Variants in FGGY observed in about 807,000 individuals in gnomAD.
The protein encoded by FGGY is FGGY carbohydrate kinase domain containing.
Under a neutral mutation model 71.3 loss-of-function variants are expected in FGGY, and 72 were observed. The observed-to-expected ratio is 1.01, with a 90% CI of 0.84 to 1.23. FGGY has a LOEUF of 1.23. Among genes scored for constraint, FGGY ranks in the 50% most tolerant of loss-of-function variants. The pLI is 0.00. For synonymous variants in FGGY, 251 were observed against 250.3 expected, an observed-to-expected ratio of 1.00 and a Z score of -0.02; for missense variants, 668 against 682.3, an observed-to-expected ratio of 0.98 and a Z score of 0.23.
At chr1:59,391,756 C>T (rs1283234353) in intron 5 of FGGY, among the ~76,000 whole-genome samples, 1 of 152,188 alleles carries the variant, frequency 6.6e-6, no homozygotes, top group Non-Finnish European at 1.5e-5. Context: ...GCATGACTGT[C>T]ATTTTCCAAC....
chr1:59,614,569 T>C (rs2096729038), intron 9 of FGGY, among the ~76,000 whole-genome samples: 2 of 152,274 alleles, frequency 1.3e-5, no homozygotes, highest in African/African-American at 4.8e-5. Flanking sequence ...ACTGGAAGCA[T>C]TCCCTTTGAA....
chr1:59,592,169 A>G (rs1473015395), intron 8 of FGGY, among the ~76,000 whole-genome samples: 5 of 152,360 alleles, frequency 3.3e-5, no homozygotes, highest in African/African-American at 9.6e-5. Flanking sequence ...ATGCAGCAAA[A>G]AAACACATGA....
chr1:59,402,486 G>A (rs541497686), intron 5 of FGGY, among the ~76,000 whole-genome samples: 8 of 152,250 alleles, frequency 5.3e-5, no homozygotes, highest in African/African-American at 1.9e-4. Flanking sequence ...ACATCATCTT[G>A]CCTGTTGCAT....
chr1:59,375,176 C>T (rs1177233841), intron 4 of FGGY, among the ~76,000 whole-genome samples: 1 of 148,306 alleles, frequency 6.7e-6, no homozygotes, highest in African/African-American at 2.5e-5. Context: ...AGGAGAATCT[C>T]TTGAACCCGG....
At chr1:59,637,488 C>G (rs570817427) in intron 10 of FGGY, among the ~76,000 whole-genome samples, 1 of 152,016 alleles carries the variant, frequency 6.6e-6, no homozygotes, top group East Asian at 1.9e-4. Flanking sequence ...CAAAAATTAG[C>G]TGGGTGGGGA....
chr1:59,397,726 C>G (rs1194057695), intron 5 of FGGY, among the ~76,000 whole-genome samples: 1 of 152,154 alleles, frequency 6.6e-6, no homozygotes, highest in Non-Finnish European at 1.5e-5. Flanking sequence ...AAGGGCGGGG[C>G]AGTATACCCT....
At chr1:59,473,826 A>G (rs1175805493) in intron 6 of FGGY, among the ~76,000 whole-genome samples, 1 of 152,204 alleles carries the variant, frequency 6.6e-6, no homozygotes, top group Non-Finnish European at 1.5e-5. Flanking sequence ...GAGCCATTTT[A>G]GAATATTTGT....
intron 1 of FGGY, among the ~76,000 whole-genome samples, chr1:59,304,154 C>T (rs1052923583): frequency 3.9e-5 from 6 of 152,056 alleles, no homozygotes; most frequent in Non-Finnish European, 5.9e-5. Context: ...AAATCATAGC[C>T]AAGACCAATG....
intron 8 of FGGY, among the ~76,000 whole-genome samples, chr1:59,592,017 T>A (rs909334936): frequency 5.3e-5 from 8 of 152,134 alleles, no homozygotes; most frequent in African/African-American, 1.4e-4. Context: ...ACAAAATGGG[T>A]GAAAATTTTC....
chr1:59,323,680 C>T (rs1049018831), intron 2 of FGGY, among the ~76,000 whole-genome samples: 3 of 152,156 alleles, frequency 2.0e-5, no homozygotes, highest in African/African-American at 4.8e-5. Context: ...GGACAAGTTA[C>T]CTAATGTTTC....
intron 5 of FGGY, among the ~76,000 whole-genome samples, chr1:59,452,740 A>G (rs2091308780): frequency 1.3e-5 from 2 of 152,248 alleles, no homozygotes; most frequent in Admixed American, 1.3e-4. Flanking sequence ...CAACCGGCCA[A>G]CAGCAAGTGG....
Position 59,673,973 on chromosome 1 carries a change from G to C in FGGY, c.1418-66G>C, listed in dbSNP as rs1396359374. On this transcript the variant is annotated intron_variant, in intron 13 of 15. Coordinates refer to ENST00000303721, the MANE Select transcript of FGGY (RefSeq NM_018291.5). ...GTCAGGTGTTTTTGCCACTGCGGCT[G>C]CTTGTTGGCTCCTCACACTCCCCTG... 2.1e-6 allele frequency: 3 copies of C among 1,447,642 alleles called. No homozygotes were observed. In the Admixed American group the frequency reaches 5.6e-5, roughly 27 times the overall value. 89.7% of individuals were successfully genotyped at this position (1,447,642 alleles called of 1,614,324 possible).
At chr1:59,489,431 A>T (rs574995460) in intron 6 of FGGY, among the ~76,000 whole-genome samples, 2 of 152,038 alleles carry the variant, frequency 1.3e-5, no homozygotes, top group Non-Finnish European at 2.9e-5. Context: ...TGAGATCAAC[A>T]TTTTTTAGCT....
At chr1:59,466,044 C>G (rs2092604245) in intron 6 of FGGY, among the ~76,000 whole-genome samples, 2 of 152,130 alleles carry the variant, frequency 1.3e-5, no homozygotes. Context: ...GCTCACATTG[C>G]CAAGACAATC....
chr1:59,468,146 G>T (rs56010261), intron 6 of FGGY, among the ~76,000 whole-genome samples: 1 of 151,924 alleles, frequency 6.6e-6, no homozygotes, highest in Admixed American at 6.6e-5. Context: ...CAAGTGATCC[G>T]CCCCCCTCAG....
At chr1:59,386,494 G>A (rs548709683) in intron 5 of FGGY, among the ~76,000 whole-genome samples, 2 of 152,152 alleles carry the variant, frequency 1.3e-5, no homozygotes, top group Non-Finnish European at 2.9e-5. Context: ...TTGATCACCT[G>A]GCTGAGATAT....
intron 12 of FGGY, among the ~76,000 whole-genome samples, chr1:59,666,768 T>G (rs2097329896): frequency 6.6e-6 from 1 of 151,426 alleles, no homozygotes. Flanking sequence ...AAGCCTTGGA[T>G]CTCACCTTCT....
At chr1:59,561,274 C>T (rs2095789591) in intron 8 of FGGY, among the ~76,000 whole-genome samples, 1 of 152,176 alleles carries the variant, frequency 6.6e-6, no homozygotes, top group Admixed American at 6.5e-5. Context: ...GCCTCGCTTC[C>T]TCTTTGTTTA....
rs144878129 is a variant in FGGY at position 59,303,000 on chromosome 1, T to C, written c.-15+5850T>C. 1.6e-3 allele frequency among the ~76,000 whole-genome samples: 244 copies of C among 152,296 alleles called. 1 individual carries two copies. The highest frequency in any genetic ancestry group is 5.7e-3 in the African/African-American group (236 of 41,574). On this transcript the variant is annotated intron_variant, in intron 1 of 15. Transcript: ENST00000303721. ...CTATTTCCTTTTTCCCCCAGCTTTA[T>C]TGAGGTATGACTGATGAGTAAAAAT...
Sources: allele counts gnomAD v4.1 joint callset (sites outside exome capture counted in the v4.1 genomes callset), GRCh38; gene constraint gnomAD v4.1.1; transcripts MANE v1.5; gene names NCBI Gene and HGNC (gene_info 2026-07-23, HGNC 2026-07-21).